The following JAKMIP1 variants were observed in gnomAD, a reference collection of about 807,000 sequenced individuals.
JAKMIP1 encodes the protein janus kinase and microtubule interacting protein 1, also known as janus kinase and microtubule-interacting protein 1.
In JAKMIP1, 33 loss-of-function variants were observed where a neutral mutation model predicts 113.0. The observed-to-expected ratio is 0.29, with a 90% CI of 0.22 to 0.39. The LOEUF (loss-of-function observed/expected upper bound fraction) is 0.39, where lower values mean the gene tolerates loss of function less well. JAKMIP1 is among the 10% of genes least tolerant of loss of function. JAKMIP1 has a pLI of 1.00. For missense variants in JAKMIP1, 813 were observed against 1,080.5 expected (o/e 0.75, Z 3.47); for synonymous variants, 480 against 459.9 (o/e 1.04, Z -0.56).
intron 17 of JAKMIP1, among the ~76,000 whole-genome samples, chr4:6,041,845 T>G (rs1714353697): frequency 6.6e-6 from 1 of 152,190 alleles, no homozygotes; most frequent in South Asian, 2.1e-4. Flanking sequence ...CGTGAGCTCA[T>G]GAACGCATGA....
In JAKMIP1 at chr4:6,051,811, A is replaced by T. The variant is rs148232456; in HGVS notation, c.1807-1132T>A. Among the ~76,000 whole-genome samples, 1 of 152,246 alleles carries T rather than the reference A, an allele frequency of 6.6e-6. No homozygotes were observed. Among genetic ancestry groups the T allele is most frequent in the Non-Finnish European group, 1.5e-5 (1 of 68,044 alleles). ...TGGCAGAACAGGACTCAGGTCTCAG[A>T]TGTGTTTCCTGCACAGAATGGACTT... On this transcript the variant is annotated intron_variant, in intron 13 of 20. Transcript: ENST00000409021. This position sits in a 1 kb window ranked among gnomAD's most constrained non-coding sequence, Gnocchi z 5.0.
chr4:6,150,779 G>T lies in JAKMIP1; in HGVS notation c.-147-37782C>A, dbSNP rs978348825. Among the ~76,000 whole-genome samples the T allele has an allele frequency of 6.6e-6, 1 of 152,140 alleles. No homozygotes were observed. Among genetic ancestry groups the T allele is most frequent in the Non-Finnish European group, 1.5e-5 (1 of 68,030 alleles). ...AAAATCAGCTTCCTAGACCATGGCG[G>T]GAAGAAGAAAACAGGCAAGAAATTT... On this transcript the variant is annotated intron_variant, in intron 1 of 20. Transcript: ENST00000409021. This position sits in a 1 kb window ranked among gnomAD's most constrained non-coding sequence, Gnocchi z 4.8.
intron 1 of JAKMIP1, among the ~76,000 whole-genome samples, chr4:6,144,002 C>T (rs1341919631): frequency 6.6e-6 from 1 of 152,128 alleles, no homozygotes; most frequent in African/African-American, 2.4e-5. Context: ...GAGGCTCACT[C>T]GGGCCCAGCT....
At position 6,154,015 on chromosome 4, in the gene JAKMIP1, AT is replaced by A. The variant is rs1308930587; in HGVS notation, c.-147-41019del. ...CTTGTATGCGGCAGATGTTTACTAA[AT>A]ACTGGCTGCTGAACCAGAGTGAGAG... On this transcript the variant is annotated intron_variant, in intron 1 of 20. Transcript: ENST00000409021. This position sits in a 1 kb window ranked among gnomAD's most constrained non-coding sequence, Gnocchi z 4.2. Among the ~76,000 whole-genome samples, 2 of 152,122 alleles carry A rather than the reference AT, an allele frequency of 1.3e-5. No homozygotes were observed. The highest frequency in any genetic ancestry group is 3.9e-4 in the East Asian group (2 of 5,170).
At chr4:6,144,188 C>A (rs1019531798) in intron 1 of JAKMIP1, among the ~76,000 whole-genome samples, 1 of 152,206 alleles carries the variant, frequency 6.6e-6, no homozygotes, top group Non-Finnish European at 1.5e-5. Flanking sequence ...CATTCCCTTC[C>A]CATTCAGGTA....
In JAKMIP1 at chr4:6,156,751, G is replaced by A. The variant is rs186416829; in HGVS notation, c.-148+43502C>T. On this transcript the variant is annotated intron_variant, in intron 1 of 20. Transcript: ENST00000409021. This position sits in a 1 kb window ranked among gnomAD's most constrained non-coding sequence, Gnocchi z 5.0. The stretch of plus-strand genomic sequence containing the variant: ...AAAGGTCAGTTCTGGGCTAGACCTT[G>A]GTTACATCCCAGCTCCACTGTCCCC... Among the ~76,000 whole-genome samples, 7 of 152,344 alleles carry A rather than the reference G, an allele frequency of 4.6e-5. No homozygotes were observed. Among genetic ancestry groups the A allele is most frequent in the African/African-American group, 1.2e-4 (5 of 41,574 alleles).
At position 6,112,963 on chromosome 4, in the gene JAKMIP1, C is replaced by A; in HGVS notation, c.-113G>T. On this transcript the variant is annotated 5_prime_UTR_variant, in exon 2 of 21. Coordinates refer to ENST00000409021, the MANE Select transcript of JAKMIP1 (RefSeq NM_001099433.2). ...TGCTAACCAGTCGCGCAGGACTCAG[C>A]TCGCCCTCCGAGGAAACCACCATCA... The A allele has an allele frequency of 7.1e-7, 1 of 1,410,322 alleles. No individual in the cohort carries two copies. The highest frequency in any genetic ancestry group is 9.4e-7 in the Non-Finnish European group (1 of 1,068,666). The allele number at this position is 1,410,322 out of a possible 1,614,324, so 87.4% of individuals were successfully genotyped here.
Position 6,064,030 on chromosome 4 carries a change from T to C in JAKMIP1, c.1431+850A>G, listed in dbSNP as rs1174552883. On this transcript the variant is annotated intron_variant, in intron 9 of 20. Transcript: ENST00000409021. The surrounding 1 kb of genome is among the most constrained non-coding windows in gnomAD (Gnocchi z 4.3). The stretch of plus-strand genomic sequence containing the variant: ...GCATATCCGCACCCCCTTCCCACTC[T>C]TGCTCTTCCCTGGGCTCAGAAAAAG... Among the ~76,000 whole-genome samples the C allele has an allele frequency of 1.3e-5, 2 of 152,210 alleles. No individual in the cohort carries two copies.
rs923759339 is a variant in JAKMIP1, at chr4:6,199,222, T to A, written c.-148+1031A>T. On this transcript the variant is annotated intron_variant, in intron 1 of 20. Transcript: ENST00000409021. This position sits in a 1 kb window ranked among gnomAD's most constrained non-coding sequence, Gnocchi z 5.6. ...GGAGGGCTGGCGGTTAGATACAGTA[T>A]CGCTGGAGCTCAGAGAGCCGGGCAG... 2.6e-5 allele frequency among the ~76,000 whole-genome samples: 4 copies of A among 152,182 alleles called. No homozygotes were observed. Among genetic ancestry groups the A allele is most frequent in the Non-Finnish European group, 5.9e-5 (4 of 68,024 alleles).
In JAKMIP1 at chr4:6,085,409, C is replaced by A. The variant is rs1721149820; in HGVS notation, c.834+11G>T. 6.2e-7 allele frequency: 1 copy of A among 1,610,260 alleles called. No individual in the cohort carries two copies. The highest frequency in any genetic ancestry group is 1.1e-5 in the South Asian group (1 of 90,998). On this transcript the variant is annotated intron_variant, in intron 4 of 20. Coordinates refer to ENST00000409021, the MANE Select transcript of JAKMIP1 (RefSeq NM_001099433.2). The stretch of plus-strand genomic sequence containing the variant: ...ACCAGCCTGAGGCTGGCACAAGCTG[C>A]TGCCCCTCACCTGGACGCCCATGAG...
In JAKMIP1 at chr4:6,084,967, TAAAAAAAAAAAAAAAAAA is replaced by T; in HGVS notation, c.835-20_835-3del. On this transcript the variant is annotated splice_region_variant and splice_polypyrimidine_tract_variant and intron_variant, in intron 4 of 20. Transcript: ENST00000409021. Reference sequence around the variant, plus strand: ...ATCTCGCTCGTCCATATGTTGATCCTAAAAAAAAAAAAAAAAAAAAAAAAAAAGTCAAGACGTAAATGT... The same window carrying T: ...ATCTCGCTCGTCCATATGTTGATCCTAAAAAAAAAGTCAAGACGTAAATGT... The T allele has an allele frequency of 2.6e-6, 1 of 377,784 alleles. No individual in the cohort carries two copies. The highest frequency in any genetic ancestry group is 3.2e-6 in the Non-Finnish European group (1 of 308,426). The allele number at this position is 377,784 out of a possible 1,614,324, so 23.4% of individuals were successfully genotyped here.
At chr4:6,151,737 C>A (rs753393001) in intron 1 of JAKMIP1, among the ~76,000 whole-genome samples, 2 of 152,150 alleles carry the variant, frequency 1.3e-5, no homozygotes, top group Admixed American at 1.3e-4. Flanking sequence ...TGAAGCTGGA[C>A]GGCAAAGTGG....
intron 3 of JAKMIP1, among the ~76,000 whole-genome samples, chr4:6,100,911 T>G (rs1305751794): frequency 6.6e-6 from 1 of 152,204 alleles, no homozygotes; most frequent in Non-Finnish European, 1.5e-5. Context: ...TTTTTGAGTT[T>G]TCATATTATT....
intron 8 of JAKMIP1, among the ~76,000 whole-genome samples, chr4:6,078,209 G>A (rs1165822049): frequency 6.6e-6 from 1 of 151,988 alleles, no homozygotes; most frequent in Non-Finnish European, 1.5e-5. Context: ...CAGCTACTCG[G>A]GAGGCTGAGG....
intron 3 of JAKMIP1, among the ~76,000 whole-genome samples, chr4:6,092,467 T>C (rs1271063240): frequency 6.6e-6 from 1 of 152,218 alleles, no homozygotes; most frequent in Non-Finnish European, 1.5e-5. Context: ...ACCCCCTTCC[T>C]GCTCCTCTGG....
Position 6,194,708 on chromosome 4 carries a change from A to ACC in JAKMIP1, c.-148+5543_-148+5544dup, listed in dbSNP as rs1328762898. ...TAAGGGTATTTCTGCCACAATGAGC[A>ACC]CCCACTGGCAGTCCCTGGCTGGTGC... On this transcript the variant is annotated intron_variant, in intron 1 of 20. Transcript: ENST00000409021. This position sits in a 1 kb window ranked among gnomAD's most constrained non-coding sequence, Gnocchi z 7.4. 6.6e-6 allele frequency: 1 copy of ACC among 152,140 alleles called. No homozygotes were observed. The highest frequency in any genetic ancestry group is 6.5e-5 in the Admixed American group (1 of 15,270). 9.4% of individuals were successfully genotyped at this position (152,140 alleles called of 1,614,324 possible).
Position 6,129,439 on chromosome 4 carries a change from T to G in JAKMIP1, c.-147-16442A>C, listed in dbSNP as rs1718203015. Among the ~76,000 whole-genome samples the G allele has an allele frequency of 6.6e-6, 1 of 152,142 alleles. No homozygotes were observed. Among genetic ancestry groups the G allele is most frequent in the Non-Finnish European group, 1.5e-5 (1 of 68,038 alleles). On this transcript the variant is annotated intron_variant, in intron 1 of 20. Coordinates refer to ENST00000409021, the MANE Select transcript of JAKMIP1 (RefSeq NM_001099433.2). This position sits in a 1 kb window ranked among gnomAD's most constrained non-coding sequence, Gnocchi z 5.4. Reference sequence around the variant, plus strand: ...AGCCATGAGTGTTTGATCTCTATGATCTACAAGGTTTGAGATCACATTGAA... The same window carrying G: ...AGCCATGAGTGTTTGATCTCTATGAGCTACAAGGTTTGAGATCACATTGAA...
intron 1 of JAKMIP1, among the ~76,000 whole-genome samples, chr4:6,159,575 C>T (rs1217515648): frequency 6.6e-6 from 1 of 152,100 alleles, no homozygotes; most frequent in African/African-American, 2.4e-5. Flanking sequence ...ACGCAAATGG[C>T]CAATACACAG....
intron 1 of JAKMIP1, among the ~76,000 whole-genome samples, chr4:6,125,884 A>C (rs1403306578): frequency 3.7e-5 from 1 of 26,726 alleles, no homozygotes; most frequent in Non-Finnish European, 6.3e-5. Flanking sequence ...CACTCCATAC[A>C]CACCATGCAG....
Sources: gnomAD v4.1 joint callset for allele counts (sites outside exome capture counted in the v4.1 genomes callset) on GRCh38, gnomAD v4.1.1 for gene constraint, Gnocchi (gnomAD v3.1) non-coding constraint, MANE v1.5 for transcripts, NCBI Gene and HGNC (gene_info 2026-07-23, HGNC 2026-07-21) for gene names.